Variants in KDM4C observed in about 807,000 individuals in gnomAD.
The protein encoded by KDM4C is lysine-specific demethylase 4C.
A neutral mutation model predicts 129.3 loss-of-function variants in KDM4C; 81 were observed. The ratio of observed to expected loss-of-function variants is 0.63; its 90% CI spans 0.52 to 0.75. KDM4C has a LOEUF of 0.75. KDM4C is among the 30% of genes least tolerant of loss of function. The pLI, the probability that KDM4C is intolerant of heterozygous loss-of-function variation, is 0.00. For synonymous variants in KDM4C, 573 were observed against 456.1 expected (o/e 1.26, Z -3.26); for missense variants, 1,457 against 1,304.0 (o/e 1.12, Z -1.81).
chr9:7,102,727 A>G (rs1242626826), intron 17 of KDM4C, among the ~76,000 whole-genome samples: 2 of 152,200 alleles, frequency 1.3e-5, no homozygotes, highest in East Asian at 1.9e-4. Flanking sequence ...AGAAAAGAAA[A>G]TCTACCTATA....
chr9:7,155,088 C>T (rs1398416439), intron 19 of KDM4C, among the ~76,000 whole-genome samples: 1 of 152,138 alleles, frequency 6.6e-6, no homozygotes, highest in African/African-American at 2.4e-5. Context: ...ACCTTAGATT[C>T]TAGATTGCTT....
At chr9:6,882,427 G>C (rs529661567) in intron 6 of KDM4C, among the ~76,000 whole-genome samples, 9 of 152,126 alleles carry the variant, frequency 5.9e-5, no homozygotes, top group Admixed American at 2.0e-4. Context: ...TTGAGAAAGT[G>C]TACAGATTTT....
chr9:6,792,017 C>T (rs956898676), intron 1 of KDM4C, among the ~76,000 whole-genome samples: 4 of 151,598 alleles, frequency 2.6e-5, no homozygotes, highest in East Asian at 2.0e-4. Flanking sequence ...AGTAAAACTC[C>T]GTCTCAAAAA....
intron 18 of KDM4C, among the ~76,000 whole-genome samples, chr9:7,120,765 G>C (rs1381283102): frequency 6.6e-6 from 1 of 152,150 alleles, no homozygotes; most frequent in African/African-American, 2.4e-5. Context: ...GTTCTCTCAA[G>C]TCTTTCTTAC....
chr9:7,021,239 C>T (rs1299359936), intron 15 of KDM4C, among the ~76,000 whole-genome samples: 1 of 151,668 alleles, frequency 6.6e-6, no homozygotes, highest in Non-Finnish European at 1.5e-5. Flanking sequence ...GCAACCTCTG[C>T]CTCCCAGGTT....
intron 2 of KDM4C, among the ~76,000 whole-genome samples, chr9:6,799,273 C>G (rs575669541): frequency 1.4e-4 from 21 of 152,318 alleles, no homozygotes; most frequent in African/African-American, 4.6e-4. Flanking sequence ...AGCCTGGGCA[C>G]CATTGAGCAC....
intron 2 of KDM4C, among the ~76,000 whole-genome samples, chr9:6,799,703 T>C (rs1588350015): frequency 6.6e-6 from 1 of 151,428 alleles, no homozygotes; most frequent in East Asian, 1.9e-4. Flanking sequence ...ATATTAATTT[T>C]GATTGTGGAT....
intron 13 of KDM4C, among the ~76,000 whole-genome samples, chr9:7,012,133 A>G (rs1822828891): frequency 6.6e-6 from 1 of 152,190 alleles, no homozygotes; most frequent in Admixed American, 6.5e-5. Flanking sequence ...CAGTGGCACA[A>G]TCATGACTCC....
chr9:6,768,599 T>C (rs1780223152), intron 1 of KDM4C, among the ~76,000 whole-genome samples: 2 of 152,288 alleles, frequency 1.3e-5, no homozygotes, highest in African/African-American at 4.8e-5. Context: ...TAGTAATTAA[T>C]GTTCTTCATA....
chr9:7,094,554 G>T (rs533448047), intron 17 of KDM4C, among the ~76,000 whole-genome samples: 2 of 152,086 alleles, frequency 1.3e-5, no homozygotes, highest in African/African-American at 2.4e-5. Flanking sequence ...AGATACTTAC[G>T]TAGGGGAAGG....
intron 8 of KDM4C, among the ~76,000 whole-genome samples, chr9:6,898,559 C>T (rs1437058849): frequency 6.6e-6 from 1 of 152,142 alleles, no homozygotes; most frequent in African/African-American, 2.4e-5. Context: ...TTATAAACTC[C>T]AGGAGTACTA....
At chr9:6,813,773 C>G (rs149988857) in intron 3 of KDM4C, among the ~76,000 whole-genome samples, 48 of 152,152 alleles carry the variant, frequency 3.2e-4, no homozygotes, top group African/African-American at 1.1e-3. Flanking sequence ...ACATTTCTTT[C>G]TAATGACTTA....
chr9:6,744,937 A>G (rs1817827406), intron 1 of KDM4C, among the ~76,000 whole-genome samples: 1 of 152,084 alleles, frequency 6.6e-6, no homozygotes, highest in Non-Finnish European at 1.5e-5. Context: ...CCTCCAGCAG[A>G]TATATGGGAT....
intron 13 of KDM4C, among the ~76,000 whole-genome samples, chr9:7,012,935 GAT>G (rs1468383439): frequency 1.3e-5 from 2 of 152,088 alleles, no homozygotes; most frequent in Non-Finnish European, 1.5e-5. Context: ...GAAAATGTGT[GAT>G]ATCTCACATT....
intron 8 of KDM4C, among the ~76,000 whole-genome samples, chr9:6,952,427 AT>A (rs1468817156): frequency 5.4e-5 from 8 of 146,934 alleles, no homozygotes; most frequent in African/African-American, 1.3e-4. Flanking sequence ...ATATATATAT[AT>A]ATAATAATAA....
At chr9:7,026,939 T>G (rs1192597771) in intron 15 of KDM4C, among the ~76,000 whole-genome samples, 1 of 152,112 alleles carries the variant, frequency 6.6e-6, no homozygotes, top group Admixed American at 6.5e-5. Context: ...TTGATTCTTT[T>G]TAATTATTTC....
At chr9:7,121,296 G>T (rs1839459213) in intron 18 of KDM4C, among the ~76,000 whole-genome samples, 1 of 152,180 alleles carries the variant, frequency 6.6e-6, no homozygotes, top group African/African-American at 2.4e-5. Context: ...TCTCTCACAG[G>T]TTTATGGCCT....
intron 1 of KDM4C, among the ~76,000 whole-genome samples, chr9:6,785,979 C>G (rs908651566): frequency 6.6e-6 from 1 of 152,182 alleles, no homozygotes; most frequent in African/African-American, 2.4e-5. Flanking sequence ...ACTGTGAGTG[C>G]TTAGGTTCCT....
intron 13 of KDM4C, among the ~76,000 whole-genome samples, chr9:7,012,877 A>C (rs1464038602): frequency 6.6e-6 from 1 of 152,222 alleles, no homozygotes; most frequent in Non-Finnish European, 1.5e-5. Context: ...TGTCTGTCTT[A>C]GAGTTCCTTA....
Sources: allele counts gnomAD v4.1 joint callset (sites outside exome capture counted in the v4.1 genomes callset), GRCh38; gene constraint gnomAD v4.1.1; transcripts MANE v1.5; gene names NCBI Gene and HGNC (gene_info 2026-07-23, HGNC 2026-07-21).